ADGRL2: variants seen among roughly 807,000 people sequenced by gnomAD.
The protein encoded by ADGRL2 is calcium-independent alpha-latrotoxin receptor 2.
In ADGRL2, 44 loss-of-function variants were observed where a neutral mutation model predicts 157.4. That is an observed-to-expected ratio of 0.28 (90% CI 0.22 to 0.36). The LOEUF is 0.36. Ranked by LOEUF, ADGRL2 falls within the 10% of genes least tolerant of loss-of-function variation. The pLI, the probability that ADGRL2 is intolerant of heterozygous loss-of-function variation, is 1.00. For synonymous variants in ADGRL2, 585 were observed against 624.7 expected (o/e 0.94, Z 0.95); for missense variants, 1,510 against 1,768.9 (o/e 0.85, Z 2.63).
At chr1:81,720,184 C>CTTT (rs112579932) in intron 1 of ADGRL2, among the ~76,000 whole-genome samples, 2 of 122,058 alleles carry the variant, frequency 1.6e-5, no homozygotes, top group Admixed American at 8.1e-5. Context: ...TTTTTCTTTT[C>CTTT]TTTTTTTTTT....
chr1:81,933,400 AATC>A (rs2095263735), intron 3 of ADGRL2, among the ~76,000 whole-genome samples: 2 of 152,206 alleles, frequency 1.3e-5, no homozygotes, highest in South Asian at 4.1e-4. Context: ...TTGGTAAAGA[AATC>A]TTCTTCTGTA....
At chr1:81,551,258 G>A (rs563376522) in intron 2 of ADGRL2, among the ~76,000 whole-genome samples, 2 of 152,244 alleles carry the variant, frequency 1.3e-5, no homozygotes, top group African/African-American at 4.8e-5. Flanking sequence ...CTCTTTTCAA[G>A]TCTGCTAAAG....
intron 1 of ADGRL2, among the ~76,000 whole-genome samples, chr1:81,733,839 A>G (rs555690602): frequency 3.9e-5 from 6 of 152,264 alleles, no homozygotes; most frequent in African/African-American, 1.2e-4. Flanking sequence ...ACTTGAAGGT[A>G]GAGGGTGGGA....
chr1:81,905,947 A>AGTGTGTGTGTGTGTGTGT (rs3046460), intron 2 of ADGRL2, among the ~76,000 whole-genome samples: 1 of 144,484 alleles, frequency 6.9e-6, no homozygotes, highest in Non-Finnish European at 1.5e-5. Flanking sequence ...AAAAAAGCAG[A>AGTGTGTGTGTGTGTGTGT]GTGTGTGTGT....
rs187042570 is a variant in ADGRL2, at chr1:81,932,861, G to A, written c.288-3867G>A. Among the ~76,000 whole-genome samples the A allele has an allele frequency of 5.8e-3, 884 of 152,004 alleles. 4 individuals carry two copies. Among genetic ancestry groups the A allele is most frequent in the African/African-American group, 0.02 (850 of 41,492 alleles). ...GGCATGCGCCACCATGCATGCCTGC[G>A]TGGCTAATTTTTGTATTTTTAGTAG... On this transcript the variant is annotated intron_variant, in intron 3 of 23. Transcript: ENST00000686636.
At chr1:81,929,556 C>T (rs2095182324) in intron 3 of ADGRL2, among the ~76,000 whole-genome samples, 1 of 152,114 alleles carries the variant, frequency 6.6e-6, no homozygotes, top group Non-Finnish European at 1.5e-5. Context: ...AATCTCGTCT[C>T]CATACTTTGC....
At chr1:81,901,047 A>G (rs2094476497) in intron 2 of ADGRL2, among the ~76,000 whole-genome samples, 1 of 152,258 alleles carries the variant, frequency 6.6e-6, no homozygotes. Context: ...AGCAGCAGCA[A>G]TTCTCAGGGG....
chr1:81,603,296 A>G (rs2081370429), intron 3 of ADGRL2, among the ~76,000 whole-genome samples: 1 of 151,904 alleles, frequency 6.6e-6, no homozygotes, highest in East Asian at 1.9e-4. Flanking sequence ...TACTTTCCTT[A>G]TAGGTTCTAG....
At chr1:81,888,696 C>T (rs947919215) in intron 2 of ADGRL2, among the ~76,000 whole-genome samples, 11 of 152,068 alleles carry the variant, frequency 7.2e-5, no homozygotes, top group African/African-American at 1.9e-4. Context: ...TCGTGATCTG[C>T]CCCCCTTGGC....
At chr1:81,628,976 T>C (rs547457169) in intron 3 of ADGRL2, among the ~76,000 whole-genome samples, 1 of 152,242 alleles carries the variant, frequency 6.6e-6, no homozygotes, top group Non-Finnish European at 1.5e-5. Context: ...GAATCACAGA[T>C]TGTATATTAT....
chr1:81,721,464 T>C (rs2084317058), intron 1 of ADGRL2, among the ~76,000 whole-genome samples: 1 of 152,082 alleles, frequency 6.6e-6, no homozygotes, highest in Non-Finnish European at 1.5e-5. Context: ...AAGTTAAAAA[T>C]CTGCAGGTAG....
intron 3 of ADGRL2, among the ~76,000 whole-genome samples, chr1:81,652,881 A>G (rs2082450293): frequency 6.6e-6 from 1 of 152,088 alleles, no homozygotes; most frequent in East Asian, 1.9e-4. Context: ...GCCAGTTTTG[A>G]ATGTTTTAAG....
At chr1:81,445,817 A>C (rs1438201117) in intron 2 of ADGRL2, among the ~76,000 whole-genome samples, 1 of 152,204 alleles carries the variant, frequency 6.6e-6, no homozygotes, top group African/African-American at 2.4e-5. Context: ...AAATGGGAGA[A>C]ATTGTCATAC....
At chr1:81,967,031 A>C (rs2182602) in intron 13 of ADGRL2, among the ~76,000 whole-genome samples, 124 of 152,216 alleles carry the variant, frequency 8.1e-4, no homozygotes, top group Admixed American at 5.9e-3. Flanking sequence ...GCTGTTACCA[A>C]GTATTGTGTT....
intron 2 of ADGRL2, among the ~76,000 whole-genome samples, chr1:81,495,768 T>G (rs2078718085): frequency 6.6e-6 from 1 of 152,204 alleles, no homozygotes; most frequent in Non-Finnish European, 1.5e-5. Context: ...GTTGTGCTTT[T>G]AACTAAATGC....
rs763989628 is a variant in ADGRL2 at position 81,968,015 on chromosome 1, T to G, written c.2350-11T>G. 5.6e-6 allele frequency: 9 copies of G among 1,610,562 alleles called. No individual in the cohort carries two copies. Among genetic ancestry groups the G allele is most frequent in the Non-Finnish European group, 7.6e-6 (9 of 1,177,020 alleles). On this transcript the variant is annotated splice_polypyrimidine_tract_variant and intron_variant, in intron 13 of 23. Transcript: ENST00000686636. ...AAAATCCTAATTTTATCTTGTCATT[T>G]TATTTCCCAGCCTGACAATTATTTC...
At chr1:81,658,967 G>C (rs2082593998) in intron 3 of ADGRL2, among the ~76,000 whole-genome samples, 1 of 151,428 alleles carries the variant, frequency 6.6e-6, no homozygotes, top group Non-Finnish European at 1.5e-5. Context: ...GACAAAGCTG[G>C]TCTCGAATTC....
chr1:81,912,364 A>T (rs1333308728), intron 3 of ADGRL2, among the ~76,000 whole-genome samples: 1 of 152,026 alleles, frequency 6.6e-6, no homozygotes, highest in Non-Finnish European at 1.5e-5. Flanking sequence ...GAGCCACTGC[A>T]CCCAGCCTAT....
chr1:81,716,826 A>G (rs1268076557), intron 1 of ADGRL2, among the ~76,000 whole-genome samples: 1 of 152,222 alleles, frequency 6.6e-6, no homozygotes, highest in Non-Finnish European at 1.5e-5. Flanking sequence ...GGAAGATTAA[A>G]GTAATATTTA....
Sources: gnomAD v4.1 joint callset for allele counts (sites outside exome capture counted in the v4.1 genomes callset) on GRCh38, gnomAD v4.1.1 for gene constraint, MANE v1.5 for transcripts, NCBI Gene and HGNC (gene_info 2026-07-23, HGNC 2026-07-21) for gene names.